The following BBX variants were observed in gnomAD, a reference collection of about 807,000 sequenced individuals.
The protein encoded by BBX is BBX high mobility group box domain containing, also known as HMG box transcription factor BBX.
Under a neutral mutation model 100.2 loss-of-function variants are expected in BBX, and 30 were observed. That is an observed-to-expected ratio of 0.30 (90% CI 0.22 to 0.41). BBX has a LOEUF of 0.41. BBX is among the 10% of genes least tolerant of loss of function. BBX has a pLI of 1.00. For missense variants in BBX, 1,023 were observed against 1,129.8 expected (o/e 0.91, Z 1.35); for synonymous variants, 376 against 388.1 (o/e 0.97, Z 0.37).
At chr3:107,624,427 C>T (rs1370954244) in intron 2 of BBX, among the ~76,000 whole-genome samples, 1 of 151,958 alleles carries the variant, frequency 6.6e-6, no homozygotes, top group Non-Finnish European at 1.5e-5. Context: ...ATCATATTTA[C>T]AAGCTTAAAA....
intron 2 of BBX, among the ~76,000 whole-genome samples, chr3:107,564,202 A>T (rs562725682): frequency 6.6e-6 from 1 of 151,962 alleles, no homozygotes; most frequent in East Asian, 1.9e-4. Context: ...TGTCTTGCCC[A>T]TTTCACTATT....
rs533488741 is a variant in BBX at position 107,595,802 on chromosome 3, A to G, written c.-83-50034A>G. On this transcript the variant is annotated intron_variant, in intron 2 of 17. Coordinates refer to ENST00000325805, the MANE Select transcript of BBX (RefSeq NM_001142568.3). ...GATGTAAAGCTTACTCTTGAACAAC[A>G]CGGGGTTTAACATGCTGACCCCTGC... 2.6e-5 allele frequency among the ~76,000 whole-genome samples: 4 copies of G among 152,322 alleles called. No individual in the cohort carries two copies. The Middle Eastern group carries it at 0.014, about 518-fold the overall frequency.
intron 2 of BBX, among the ~76,000 whole-genome samples, chr3:107,613,941 GTTTTTT>G (rs533672871): frequency 9.1e-4 from 79 of 86,564 alleles, no homozygotes; most frequent in African/African-American, 3.0e-3. Context: ...ACATACCATG[GTTTTTT>G]TTTTTTTTTT....
At chr3:107,563,074 G>C (rs1257140846) in intron 2 of BBX, among the ~76,000 whole-genome samples, 1 of 152,170 alleles carries the variant, frequency 6.6e-6, no homozygotes, top group Admixed American at 6.5e-5. Flanking sequence ...TTCAGAAGTT[G>C]TGTTAGGCTC....
chr3:107,651,663 G>T (rs142412378), intron 3 of BBX, among the ~76,000 whole-genome samples: 1 of 151,720 alleles, frequency 6.6e-6, no homozygotes, highest in African/African-American at 2.4e-5. Context: ...AAGATTTTTG[G>T]TAAACAGAAA....
intron 3 of BBX, among the ~76,000 whole-genome samples, chr3:107,706,702 T>A (rs1041430856): frequency 6.6e-6 from 1 of 152,248 alleles, no homozygotes; most frequent in Non-Finnish European, 1.5e-5. Context: ...TTGCTCTTGT[T>A]CTAAGACCAA....
At chr3:107,733,264 T>C (rs1376702467) in intron 7 of BBX, among the ~76,000 whole-genome samples, 1 of 152,202 alleles carries the variant, frequency 6.6e-6, no homozygotes, top group Non-Finnish European at 1.5e-5. Flanking sequence ...AGTAAGGTTG[T>C]AGTAATGCAA....
rs117136650 is a variant in BBX at position 107,799,956 on chromosome 3, G to T, written c.2552-1139G>T. Among the ~76,000 whole-genome samples the T allele has an allele frequency of 2.0e-5, 3 of 152,230 alleles. No individual in the cohort carries two copies. In the East Asian group the frequency reaches 5.8e-4, roughly 29 times the overall value. ...TGCCTTTCTGCCTCTCAGCACCTCC[G>T]CAATTTTATTTTATGTGATTTGGGT... is the stretch of plus-strand genomic sequence containing the variant. On this transcript the variant is annotated intron_variant, in intron 16 of 17. Transcript: ENST00000325805.
intron 2 of BBX, among the ~76,000 whole-genome samples, chr3:107,564,466 A>G (rs2050730114): frequency 6.6e-6 from 1 of 152,118 alleles, no homozygotes; most frequent in African/African-American, 2.4e-5. Flanking sequence ...TTCGTATACC[A>G]GTGTCATTGA....
intron 3 of BBX, among the ~76,000 whole-genome samples, chr3:107,678,724 C>G (rs1007442260): frequency 6.6e-6 from 1 of 151,888 alleles, no homozygotes; most frequent in East Asian, 1.9e-4. Flanking sequence ...AAGACCGTTT[C>G]TCAAGAAGAA....
chr3:107,767,104 T>A (rs2066456108), intron 10 of BBX, among the ~76,000 whole-genome samples: 1 of 152,158 alleles, frequency 6.6e-6, no homozygotes, highest in Admixed American at 6.5e-5. Context: ...CTAATGTAGA[T>A]GATAGGTTTA....
intron 2 of BBX, among the ~76,000 whole-genome samples, chr3:107,603,107 G>T (rs2054176163): frequency 6.6e-6 from 1 of 152,028 alleles, no homozygotes; most frequent in South Asian, 2.1e-4. Flanking sequence ...GGGACTATAG[G>T]CTCCCGCCAC....
intron 2 of BBX, among the ~76,000 whole-genome samples, chr3:107,587,683 C>T (rs2052963640): frequency 6.6e-6 from 1 of 152,158 alleles, no homozygotes; most frequent in African/African-American, 2.4e-5. Flanking sequence ...ATGCGGGCCC[C>T]AACTGAAATC....
At chr3:107,558,600 C>A (rs1382140888) in intron 2 of BBX, among the ~76,000 whole-genome samples, 2 of 152,206 alleles carry the variant, frequency 1.3e-5, no homozygotes, top group Non-Finnish European at 2.9e-5. Context: ...TTCCCAGATT[C>A]TTTGGGCAAG....
intron 2 of BBX, chr3:107,526,669 A>G (rs2047798584): frequency 3.9e-6 from 1 of 253,660 alleles, no homozygotes; most frequent in Non-Finnish European, 7.4e-6. Context: ...ATTTTAATTT[A>G]TAATGAAATT....
chr3:107,770,001 A>T (rs1165566305), intron 10 of BBX, among the ~76,000 whole-genome samples: 1 of 152,164 alleles, frequency 6.6e-6, no homozygotes, highest in Non-Finnish European at 1.5e-5. Context: ...ATAATTTAGG[A>T]TTAACATAAT....
chr3:107,555,945 AATTTAAATAAATTTGTTTGTG>A (rs575882714), intron 2 of BBX, among the ~76,000 whole-genome samples: 58 of 152,322 alleles, frequency 3.8e-4, no homozygotes, highest in Non-Finnish European at 6.3e-4. Flanking sequence ...GCAAAAATAT[AATTTAAATAAATTTGTTTGTG>A]ATAGAAACAT....
At chr3:107,616,634 T>A (rs1468207207) in intron 2 of BBX, among the ~76,000 whole-genome samples, 1 of 152,150 alleles carries the variant, frequency 6.6e-6, no homozygotes, top group Non-Finnish European at 1.5e-5. Flanking sequence ...TGGTTTGAAT[T>A]TGCATTTTTG....
chr3:107,704,896 A>G (rs1560006927), intron 3 of BBX, among the ~76,000 whole-genome samples: 3 of 152,198 alleles, frequency 2.0e-5, no homozygotes, highest in African/African-American at 7.2e-5. Context: ...TTCAGATAAA[A>G]GAAGAGATAT....
Sources: allele counts gnomAD v4.1 joint callset (sites outside exome capture counted in the v4.1 genomes callset), GRCh38; gene constraint gnomAD v4.1.1; transcripts MANE v1.5; gene names NCBI Gene and HGNC (gene_info 2026-07-23, HGNC 2026-07-21).